VAV2: variants seen among roughly 807,000 people sequenced by gnomAD.
VAV2 encodes vav guanine nucleotide exchange factor 2, also known as guanine nucleotide exchange factor VAV2.
In VAV2, 67 loss-of-function variants were observed where a neutral mutation model predicts 132.5. The observed-to-expected ratio is 0.51, with a 90% confidence interval of 0.42 to 0.62. The LOEUF (loss-of-function observed/expected upper bound fraction) is 0.62. VAV2 is among the 20% of genes least tolerant of loss of function. The pLI is 0.00. For synonymous variants in VAV2, 492 were observed against 443.5 expected (o/e 1.11, Z -1.37); for missense variants, 938 against 1,153.6 (o/e 0.81, Z 2.71).
intron 1 of VAV2, among the ~76,000 whole-genome samples, chr9:133,953,319 C>A (rs1841630865): frequency 2.0e-5 from 3 of 152,368 alleles, no homozygotes; most frequent in Admixed American, 2.0e-4. Flanking sequence ...AAGCCCACCA[C>A]AACAGGCACT....
At chr9:133,812,362 T>C (rs1046989138) in intron 4 of VAV2, 146 bp from the exon 5 acceptor site, 1 of 723,010 alleles carries the variant, frequency 1.4e-6, no homozygotes, top group African/African-American at 1.7e-5. Context: ...CAAAGTGGGG[T>C]GGGCCCCGCC....
Position 133,802,480 on chromosome 9 carries a change from A to G in VAV2, c.836+3601T>C, listed in dbSNP as rs1467456331. On this transcript the variant is annotated intron_variant, in intron 9 of 29. Coordinates refer to ENST00000371850, the MANE Select transcript of VAV2 (RefSeq NM_001134398.2). The surrounding 1 kb of genome is among the most constrained non-coding windows in gnomAD (Gnocchi z 5.8). Reference sequence around the variant, plus strand: ...AGGCGCAAATGATTTCTGTCCTGATAGAGGACATGGCCCCAAAGGTCTCAG... The same window carrying G: ...AGGCGCAAATGATTTCTGTCCTGATGGAGGACATGGCCCCAAAGGTCTCAG... 1.3e-5 allele frequency among the ~76,000 whole-genome samples: 2 copies of G among 149,836 alleles called. No individual in the cohort carries two copies. The highest frequency in any genetic ancestry group is 4.9e-5 in the African/African-American group (2 of 40,714).
intron 1 of VAV2, among the ~76,000 whole-genome samples, chr9:133,989,995 G>A (rs1842967234): frequency 6.6e-6 from 1 of 152,380 alleles, no homozygotes; most frequent in East Asian, 1.9e-4. Flanking sequence ...GGCACTGTGC[G>A]AAGGGTGTGC....
At chr9:133,789,193 TC>T in intron 14 of VAV2, 64 bp downstream of exon 14, 3 of 1,581,050 alleles carry the variant, frequency 1.9e-6, no homozygotes, top group Non-Finnish European at 2.6e-6. Flanking sequence ...TAGGAGTGGC[TC>T]CCTGGGAGGG....
chr9:133,895,320 C>CCA (rs1454698014), intron 2 of VAV2, among the ~76,000 whole-genome samples: 1 of 152,076 alleles, frequency 6.6e-6, no homozygotes, highest in Non-Finnish European at 1.5e-5. Flanking sequence ...AGGCAGGAGG[C>CCA]CACCATTCAT....
intron 13 of VAV2, among the ~76,000 whole-genome samples, chr9:133,791,341 G>C (rs1834451997): frequency 2.0e-5 from 3 of 152,184 alleles, no homozygotes; most frequent in Admixed American, 2.0e-4. Flanking sequence ...CACCGAGCCT[G>C]GGCCCAAACC....
chr9:133,788,359 T>G lies in VAV2; in HGVS notation c.1402A>C (p.Lys468Gln), dbSNP rs777957288. ...TDDPMNNKDV[K>Q]KSHGKMWSYG... ...GGGGACCCGGAAGGCCCCACCTTCT[T>G]GACGTCCTTGTTGTTCATGGGGTCG... Residue 468 changes from lysine (K) to glutamine (Q), a missense_variant, in exon 15 of 30, where the codon AAG (lysine) becomes CAG (glutamine). By Grantham distance (53) the Lys-to-Gln change is moderately conservative (BLOSUM62 1). Transcript: ENST00000371850. The surrounding 1 kb of genome is among the most constrained non-coding windows in gnomAD (Gnocchi z 5.3). 3 of 1,605,308 alleles carry G rather than the reference T, an allele frequency of 1.9e-6. No homozygotes were observed.
In VAV2 at chr9:133,785,893, G is replaced by C; in HGVS notation, c.1423-8C>G. On this transcript the variant is annotated splice_region_variant and splice_polypyrimidine_tract_variant and intron_variant, in intron 16 of 29. Transcript: ENST00000371850. Reference sequence around the variant, plus strand: ...GTAGAAGCCGTAGGACCACTGCAGGGGGGAGAGGGGCCATGCTTGCAATAG... The same window carrying C: ...GTAGAAGCCGTAGGACCACTGCAGGCGGGAGAGGGGCCATGCTTGCAATAG... The C allele has an allele frequency of 3.1e-6, 5 of 1,611,646 alleles. No homozygotes were observed. In the South Asian group the frequency reaches 5.5e-5, roughly 18 times the overall value.
intron 2 of VAV2, among the ~76,000 whole-genome samples, chr9:133,875,572 T>G (rs1838229129): frequency 6.6e-6 from 1 of 152,170 alleles, no homozygotes; most frequent in African/African-American, 2.4e-5. Context: ...GCGATCCCCT[T>G]GGAGGCACAG....
At chr9:133,776,700 C>T (rs1833826143) in intron 23 of VAV2, among the ~76,000 whole-genome samples, 1 of 152,186 alleles carries the variant, frequency 6.6e-6, no homozygotes, top group African/African-American at 2.4e-5. Flanking sequence ...CTTGGTCACG[C>T]AAAGTGCCCT....
In VAV2 at chr9:133,911,562, G is replaced by A. The variant is rs562934358; in HGVS notation, c.321+27541C>T. Among the ~76,000 whole-genome samples, 53 of 152,198 alleles carry A rather than the reference G, an allele frequency of 3.5e-4. No individual in the cohort carries two copies. In the Middle Eastern group the frequency reaches 0.01, roughly 29 times the overall value. The stretch of plus-strand genomic sequence containing the variant: ...AGTCAAGACGGTGAACATATTCACC[G>A]GCCCCAAAATGTTTTCTAGTGCCCA... On this transcript the variant is annotated intron_variant, in intron 2 of 29. Transcript: ENST00000371850.
In VAV2 at chr9:133,961,111, G is replaced by A. The variant is rs1465023148; in HGVS notation, c.205-21892C>T. ...GCGGCCCCAAGCTCTCCAGGTGGGA[G>A]CTGCTGAGCGCTTTTAGTTAGCCCA... On this transcript the variant is annotated intron_variant, in intron 1 of 29. Transcript: ENST00000371850. This position sits in a 1 kb window ranked among gnomAD's most constrained non-coding sequence, Gnocchi z 4.1. 6.6e-6 allele frequency among the ~76,000 whole-genome samples: 1 copy of A among 152,272 alleles called. No individual in the cohort carries two copies. Among genetic ancestry groups the A allele is most frequent in the East Asian group, 1.9e-4 (1 of 5,202 alleles).
At chr9:133,941,956 G>A (rs533589815) in intron 1 of VAV2, among the ~76,000 whole-genome samples, 1 of 152,266 alleles carries the variant, frequency 6.6e-6, no homozygotes, top group Admixed American at 6.5e-5. Flanking sequence ...AGAGAGAAAG[G>A]AGAATAGTGG....
chr9:133,822,149 C>T (rs760480129), intron 4 of VAV2, among the ~76,000 whole-genome samples: 2 of 147,748 alleles, frequency 1.4e-5, no homozygotes, highest in East Asian at 3.9e-4. Flanking sequence ...CCATTGCCCC[C>T]GCCGCCCACA....
intron 3 of VAV2, among the ~76,000 whole-genome samples, chr9:133,855,103 T>C (rs1837334617): frequency 6.6e-6 from 1 of 152,182 alleles, no homozygotes; most frequent in African/African-American, 2.4e-5. Flanking sequence ...GAGCAGGGGA[T>C]GCTGTGCCCA....
At chr9:133,888,011 A>G (rs941899571) in intron 2 of VAV2, among the ~76,000 whole-genome samples, 3 of 152,204 alleles carry the variant, frequency 2.0e-5, no homozygotes, top group Non-Finnish European at 2.9e-5. Context: ...GCTTAGGCTG[A>G]AGGGTAGACC....
intron 1 of VAV2, among the ~76,000 whole-genome samples, chr9:133,966,380 C>A (rs1324575650): frequency 6.6e-6 from 1 of 152,348 alleles, no homozygotes; most frequent in East Asian, 1.9e-4. Context: ...GCAAACTATT[C>A]ATCCGACAAG....
intron 1 of VAV2, among the ~76,000 whole-genome samples, chr9:133,945,790 G>T (rs1041868094): frequency 6.6e-6 from 1 of 152,170 alleles, no homozygotes; most frequent in Non-Finnish European, 1.5e-5. Context: ...CTGAACCACC[G>T]ACTCCTGTCC....
At chr9:133,905,166 C>T (rs553688879) in intron 2 of VAV2, among the ~76,000 whole-genome samples, 1 of 152,132 alleles carries the variant, frequency 6.6e-6, no homozygotes, top group African/African-American at 2.4e-5. Context: ...CGGTGGCTCA[C>T]GCCTGTAATC....
Sources: allele counts gnomAD v4.1 joint callset (sites outside exome capture counted in the v4.1 genomes callset), GRCh38; gene constraint gnomAD v4.1.1; non-coding constraint Gnocchi (gnomAD v3.1); transcripts MANE v1.5; gene names NCBI Gene and HGNC (gene_info 2026-07-23, HGNC 2026-07-21).